Variants in LHFPL2 observed in about 807,000 individuals in gnomAD.
The protein encoded by LHFPL2 is LHFPL tetraspan subfamily member 2, also known as LHFPL tetraspan subfamily member 2 protein.
LHFPL2 carries 7 observed loss-of-function variants against 17.5 expected under a neutral mutation model. The observed-to-expected ratio is 0.40, with a 90% CI of 0.23 to 0.75. The LOEUF is 0.75. Among genes scored for constraint, LHFPL2 ranks in the 30% least tolerant of loss-of-function variants. LHFPL2 has a pLI of 0.37. For missense variants in LHFPL2, 241 were observed against 294.8 expected, an observed-to-expected ratio of 0.82 and a Z score of 1.34; for synonymous variants, 134 against 116.2, an observed-to-expected ratio of 1.15 and a Z score of -0.99.
Position 78,557,672 on chromosome 5 carries a change from T to C in LHFPL2, c.-186+7141A>G, listed in dbSNP as rs565588500. Among the ~76,000 whole-genome samples, 34 of 152,326 alleles carry C rather than the reference T, an allele frequency of 2.2e-4. No individual in the cohort carries two copies. The South Asian group carries it at 4.8e-3, about 21-fold the overall frequency. On this transcript the variant is annotated intron_variant, in intron 3 of 4. Coordinates refer to ENST00000380345, the MANE Select transcript of LHFPL2 (RefSeq NM_005779.3). ...TCCTAACACCACTTGGCCACAGTTA[T>C]AGAACAATTTGGATCAAAATCAGGT...
intron 4 of LHFPL2, among the ~76,000 whole-genome samples, chr5:78,498,217 C>A (rs1158642578): frequency 6.6e-6 from 1 of 152,144 alleles, no homozygotes; most frequent in Non-Finnish European, 1.5e-5. Context: ...TTCTGCAGCC[C>A]AGGAAAACGC....
chr5:78,642,384 T>C (rs1745700202), intron 1 of LHFPL2, among the ~76,000 whole-genome samples: 1 of 152,178 alleles, frequency 6.6e-6, no homozygotes, highest in Non-Finnish European at 1.5e-5. Context: ...CCATTCCAGG[T>C]ACATCCCTCT....
intron 2 of LHFPL2, among the ~76,000 whole-genome samples, chr5:78,576,294 C>CAAA (rs746590895): frequency 3.2e-5 from 3 of 93,128 alleles, no homozygotes; most frequent in African/African-American, 1.1e-4. Flanking sequence ...GACTCCATCT[C>CAAA]AAAAAAAAAA....
At chr5:78,501,137 AG>A (rs1754759826) in intron 4 of LHFPL2, among the ~76,000 whole-genome samples, 1 of 152,214 alleles carries the variant, frequency 6.6e-6, no homozygotes, top group Non-Finnish European at 1.5e-5. Flanking sequence ...TGGACTTTAC[AG>A]TCCAGAAAGA....
intron 3 of LHFPL2, among the ~76,000 whole-genome samples, chr5:78,510,642 G>A (rs55841721): frequency 0.25 from 38,471 of 152,242 alleles, 5,152 homozygotes; most frequent in East Asian, 0.47. Flanking sequence ...GAAGGAGGCG[G>A]CCAGTGCCAG....
rs1561299499 is a variant in LHFPL2 at position 78,487,686 on chromosome 5, T to C, written c.*1211A>G. ...TATTCATAGTGGTATTTGATTCTTTTTGTAAACAGGTGTAGGCAGTGCTGT... is the reference window on the plus strand; with the variant it reads ...TATTCATAGTGGTATTTGATTCTTTCTGTAAACAGGTGTAGGCAGTGCTGT... On this transcript the variant is annotated 3_prime_UTR_variant, in exon 5 of 5. Transcript: ENST00000380345. The C allele has an allele frequency of 6.6e-6, 1 of 152,212 alleles. No individual in the cohort carries two copies. The highest frequency in any genetic ancestry group is 2.4e-5 in the African/African-American group (1 of 41,454). 9.4% of individuals were successfully genotyped at this position (152,212 alleles called of 1,614,324 possible). A position where few individuals can be genotyped will look rare whatever the true frequency, so the allele number is the denominator to read the frequency against.
At chr5:78,492,929 T>C (rs1580740740) in intron 4 of LHFPL2, among the ~76,000 whole-genome samples, 3 of 152,168 alleles carry the variant, frequency 2.0e-5, no homozygotes, top group Admixed American at 2.0e-4. Flanking sequence ...CTGTCCACTC[T>C]GCCCTGACTG....
At chr5:78,583,311 T>C (rs1370307808) in intron 2 of LHFPL2, among the ~76,000 whole-genome samples, 1 of 152,268 alleles carries the variant, frequency 6.6e-6, no homozygotes, top group East Asian at 1.9e-4. Flanking sequence ...ATGTGTGAAT[T>C]TGATCCTGTC....
At chr5:78,510,906 A>G (rs889894928) in intron 3 of LHFPL2, among the ~76,000 whole-genome samples, 1 of 152,260 alleles carries the variant, frequency 6.6e-6, no homozygotes, top group African/African-American at 2.4e-5. Flanking sequence ...GCTTAACAGT[A>G]GAGAGTAGCA....
rs773308244 is a variant in LHFPL2 at position 78,576,429 on chromosome 5, C to T, written c.-244-11558G>A. On this transcript the variant is annotated intron_variant, in intron 2 of 4. Transcript: ENST00000380345. Reference sequence around the variant, plus strand: ...CAATTTTACCTTTTGCTCTCCTGTCCGCTGAGCACCTTTATCAGCCTTAAA... The same window carrying T: ...CAATTTTACCTTTTGCTCTCCTGTCTGCTGAGCACCTTTATCAGCCTTAAA... Among the ~76,000 whole-genome samples, 8 of 152,162 alleles carry T rather than the reference C, an allele frequency of 5.3e-5. No individual in the cohort carries two copies. In the East Asian group the frequency reaches 7.7e-4, roughly 15 times the overall value.
intron 2 of LHFPL2, among the ~76,000 whole-genome samples, chr5:78,611,338 C>G (rs543842775): frequency 6.6e-6 from 1 of 152,220 alleles, no homozygotes; most frequent in Non-Finnish European, 1.5e-5. Flanking sequence ...GAGAACTCCA[C>G]CTGGGCTTTG....
intron 2 of LHFPL2, among the ~76,000 whole-genome samples, chr5:78,589,395 G>A (rs1322696088): frequency 6.6e-6 from 1 of 151,418 alleles, no homozygotes. Context: ...GCTTGAACCC[G>A]GGAGGCAGAG....
At chr5:78,534,314 AC>A in intron 3 of LHFPL2, among the ~76,000 whole-genome samples, 2 of 152,128 alleles carry the variant, frequency 1.3e-5, no homozygotes, top group Non-Finnish European at 2.9e-5. Context: ...AATCACCATG[AC>A]GCCGAGAGGG....
At chr5:78,578,263 A>G (rs186795409) in intron 2 of LHFPL2, among the ~76,000 whole-genome samples, 60 of 152,354 alleles carry the variant, frequency 3.9e-4, no homozygotes, top group African/African-American at 1.4e-3. Flanking sequence ...CAAGATGCTC[A>G]TCACAGGAAG....
chr5:78,521,822 T>C (rs946134958), intron 3 of LHFPL2, among the ~76,000 whole-genome samples: 2 of 152,212 alleles, frequency 1.3e-5, no homozygotes, highest in African/African-American at 4.8e-5. Context: ...GAGATGGGCA[T>C]TCATAAAAGG....
At chr5:78,502,846 T>TG (rs1271938653) in intron 4 of LHFPL2, among the ~76,000 whole-genome samples, 2 of 152,240 alleles carry the variant, frequency 1.3e-5, no homozygotes, top group Non-Finnish European at 2.9e-5. Context: ...ACGTGGCCTC[T>TG]GTCACTCTGA....
intron 4 of LHFPL2, among the ~76,000 whole-genome samples, chr5:78,490,889 T>C (rs1754421846): frequency 6.6e-6 from 1 of 152,246 alleles, no homozygotes; most frequent in Admixed American, 6.5e-5. Flanking sequence ...ATATCAATTC[T>C]ATCCTGGTGA....
rs1745968063 is a variant in LHFPL2, at chr5:78,648,438, T to G, written c.-350+61A>C. 6.6e-6 allele frequency: 1 copy of G among 150,940 alleles called. No homozygotes were observed. The highest frequency in any genetic ancestry group is 2.4e-5 in the African/African-American group (1 of 41,110). The allele number at this position is 150,940 out of a possible 1,614,324, so 9.4% of individuals were successfully genotyped here. On this transcript the variant is annotated intron_variant, in intron 1 of 4. Transcript: ENST00000380345. The surrounding 1 kb of genome is among the most constrained non-coding windows in gnomAD (Gnocchi z 5.4). ...CATGCGCCCGCGCGGGGCGCCCACC[T>G]GGCCGGGCCCACCGGCTCTCCCCTC...
chr5:78,553,869 C>T (rs1756506682), intron 3 of LHFPL2, among the ~76,000 whole-genome samples: 1 of 152,220 alleles, frequency 6.6e-6, no homozygotes, highest in Non-Finnish European at 1.5e-5. Flanking sequence ...AATTTCAACC[C>T]TACAAGGAGC....
Sources: allele counts gnomAD v4.1 joint callset (sites outside exome capture counted in the v4.1 genomes callset), GRCh38; gene constraint gnomAD v4.1.1; non-coding constraint Gnocchi (gnomAD v3.1); transcripts MANE v1.5; gene names NCBI Gene and HGNC (gene_info 2026-07-23, HGNC 2026-07-21).